EXTL3: variants seen among roughly 807,000 people sequenced by gnomAD.
EXTL3 encodes the protein exostosin-like 3.
Under a neutral mutation model 69.3 loss-of-function variants are expected in EXTL3, and 27 were observed. The ratio of observed to expected loss-of-function variants is 0.39; its 90% CI spans 0.29 to 0.54. The LOEUF (loss-of-function observed/expected upper bound fraction) is 0.54, where lower values mean the gene tolerates loss of function less well. Ranked by LOEUF, EXTL3 falls within the 20% of genes least tolerant of loss-of-function variation. The pLI, the probability that EXTL3 is intolerant of heterozygous loss-of-function variation, is 0.69. For synonymous variants in EXTL3, 511 were observed against 499.4 expected (o/e 1.02, Z -0.31); for missense variants, 1,003 against 1,231.8 (o/e 0.81, Z 2.78).
chr8:28,737,758 T>G, intron 5 of EXTL3, 95 bp downstream of exon 5: 1 of 1,319,894 alleles, frequency 7.6e-7, no homozygotes, highest in Non-Finnish European at 1.1e-6. Context: ...CTCCTAACGC[T>G]TCTTACATGT....
At position 28,737,627 on chromosome 8, in the gene EXTL3, G is replaced by C. The variant is rs1268003377; in HGVS notation, c.2385G>C (p.Leu795=). ...ACAACTCCAACTACTCCTGTGAGCTGTCCATGGTGCTGACAGGTGCTGCCT... is the reference window on the plus strand; with the variant it reads ...ACAACTCCAACTACTCCTGTGAGCTCTCCATGGTGCTGACAGGTGCTGCCT... ...WLYNSNYSCE[L]SMVLTGAAFF... Residue 795 remains leucine, a synonymous_variant, in exon 5 of 7, where the codon CTG becomes CTC. Transcript: ENST00000220562. 1 of 1,614,124 alleles carries C rather than the reference G, an allele frequency of 6.2e-7. No homozygotes were observed. Among genetic ancestry groups the C allele is most frequent in the Admixed American group, 1.7e-5 (1 of 60,018 alleles).
At chr8:28,730,809 G>T (rs1177720704) in intron 3 of EXTL3, among the ~76,000 whole-genome samples, 1 of 152,144 alleles carries the variant, frequency 6.6e-6, no homozygotes, top group Non-Finnish European at 1.5e-5. Flanking sequence ...GGAGTCAGAA[G>T]TGACAGACTC....
chr8:28,710,786 C>G (rs1235364796), intron 1 of EXTL3, among the ~76,000 whole-genome samples: 1 of 151,794 alleles, frequency 6.6e-6, no homozygotes, highest in Non-Finnish European at 1.5e-5. Flanking sequence ...ATCCTCTCCC[C>G]TCAGCCTTCT....
Position 28,641,896 on chromosome 8 carries a change from A to G in EXTL3, c.-53+19086A>G, listed in dbSNP as rs1021691715. ...TGTCACCCAGGCTGGAGTGCAGTGG[A>G]GCGATCTTGGCTCACTGCAAGCTCT... On this transcript the variant is annotated intron_variant, in intron 1 of 6. Transcript: ENST00000523149. Among the ~76,000 whole-genome samples, 21 of 152,070 alleles carry G rather than the reference A, an allele frequency of 1.4e-4. 1 individual carries two copies. Among genetic ancestry groups the G allele is most frequent in the Admixed American group, 1.1e-3 (17 of 15,284 alleles).
At chr8:28,697,272 T>G (rs1470357713), upstream of EXTL3, 1 of 152,200 alleles carries the variant, frequency 6.6e-6, no homozygotes, top group African/African-American at 2.4e-5. Flanking sequence ...TATTTACAAG[T>G]GAGGCCCCCA....
chr8:28,676,045 A>G (rs980239803), intron 1 of EXTL3, among the ~76,000 whole-genome samples: 2 of 147,246 alleles, frequency 1.4e-5, no homozygotes, highest in South Asian at 2.1e-4. Flanking sequence ...AAAAGAAGAA[A>G]AAAGGAAGTG....
chr8:28,612,937 T>C (rs899716574), intron 2 of EXTL3, among the ~76,000 whole-genome samples: 1 of 152,206 alleles, frequency 6.6e-6, no homozygotes, highest in Non-Finnish European at 1.5e-5. Flanking sequence ...CAGGCTGGTC[T>C]CAAACTCCTG....
rs1801135757 is a variant in EXTL3, at chr8:28,716,053, A to G, written c.-7A>G. 3 of 1,596,800 alleles carry G rather than the reference A, an allele frequency of 1.9e-6. No individual in the cohort carries two copies. The highest frequency in any genetic ancestry group is 1.7e-6 in the Non-Finnish European group (2 of 1,173,486). ...ACGTGATCTGGGGGGCAGGCTGCAGAGGACTCATGACAGGCTATACCATGC... is the reference window on the plus strand; with the variant it reads ...ACGTGATCTGGGGGGCAGGCTGCAGGGGACTCATGACAGGCTATACCATGC... On this transcript the variant is annotated 5_prime_UTR_variant, in exon 3 of 7. Coordinates refer to ENST00000220562, the MANE Select transcript of EXTL3 (RefSeq NM_001440.4). The surrounding 1 kb of genome is among the most constrained non-coding windows in gnomAD (Gnocchi z 7.1).
intron 1 of EXTL3, among the ~76,000 whole-genome samples, chr8:28,638,317 A>G (rs1806687498): frequency 6.6e-6 from 1 of 152,218 alleles, no homozygotes; most frequent in African/African-American, 2.4e-5. Flanking sequence ...CATAAACTCA[A>G]CCAACTAAAA....
At chr8:28,718,637 A>T (rs1347800296) in intron 3 of EXTL3, among the ~76,000 whole-genome samples, 1 of 152,200 alleles carries the variant, frequency 6.6e-6, no homozygotes, top group Non-Finnish European at 1.5e-5. Context: ...TAGGTTAATG[A>T]ATTTGCCCAA....
In EXTL3 at chr8:28,750,100, G is replaced by A. The variant is rs1055182541; in HGVS notation, c.2551-557G>A. On this transcript the variant is annotated intron_variant, in intron 6 of 6. Transcript: ENST00000220562. This position sits in a 1 kb window ranked among gnomAD's most constrained non-coding sequence, Gnocchi z 5.2. ...ATTCGGCCTGCCACATTGTAATGAAGCTGTCCCTCTTCATACTTTTTTAGT... is the reference window on the plus strand; with the variant it reads ...ATTCGGCCTGCCACATTGTAATGAAACTGTCCCTCTTCATACTTTTTTAGT... Among the ~76,000 whole-genome samples the A allele has an allele frequency of 6.6e-6, 1 of 152,174 alleles. No individual in the cohort carries two copies. Among genetic ancestry groups the A allele is most frequent in the Non-Finnish European group, 1.5e-5 (1 of 68,026 alleles).
chr8:28,716,693 C>T lies in EXTL3; in HGVS notation c.634C>T (p.Pro212Ser). The T allele has an allele frequency of 6.2e-7, 1 of 1,614,200 alleles. No individual in the cohort carries two copies. Among genetic ancestry groups the T allele is most frequent in the African/African-American group, 1.3e-5 (1 of 75,044 alleles). ...DQFVFGSYLD[P>S]LVKQAFQATA... ...GTTTGTCTTTGGCAGCTACCTGGAT[C>T]CCTTGGTCAAGCAGGCTTTTCAGGC... is the stretch of plus-strand genomic sequence containing the variant. Residue 212 changes from proline to serine, a missense_variant, in exon 3 of 7, where the codon CCC becomes TCC. Pro to Ser is a moderately conservative substitution (Grantham distance 74). This residue lies in a region of EXTL3 where 742 missense variants were observed against 815.4 expected (regional missense o/e 0.91). Transcript: ENST00000220562. The surrounding 1 kb of genome is among the most constrained non-coding windows in gnomAD (Gnocchi z 7.1).
At position 28,717,503 on chromosome 8, in the gene EXTL3, G is replaced by T. The variant is rs767996682; in HGVS notation, c.1444G>T (p.Ala482Ser). 1 of 1,614,274 alleles carries T rather than the reference G, an allele frequency of 6.2e-7. No individual in the cohort carries two copies. The highest frequency in any genetic ancestry group is 2.2e-5 in the East Asian group (1 of 44,892). Residue 482 changes from alanine (A) to serine (S), a missense_variant, in exon 3 of 7, where the codon GCC (alanine) becomes TCC (serine). This residue lies in a region of EXTL3 where 742 missense variants were observed against 815.4 expected (regional missense o/e 0.91). Transcript: ENST00000220562. The surrounding 1 kb of genome is among the most constrained non-coding windows in gnomAD (Gnocchi z 8.3). ...YQDMLQWNEA[A>S]LVVPKPRVTE... ...GGACATGCTGCAGTGGAACGAGGCGGCCCTGGTGGTGCCAAAGCCTCGTGT... is the reference window on the plus strand; with the variant it reads ...GGACATGCTGCAGTGGAACGAGGCGTCCCTGGTGGTGCCAAAGCCTCGTGT...
rs1019376014 is a variant in EXTL3, at chr8:28,623,121, T to C, written c.-53+311T>C. ...GCTGGGTTTCTACAGAGGCGGGAAT[T>C]TGTGAGAACTGGGAGAGTGTGGCTG... On this transcript the variant is annotated intron_variant, in intron 1 of 6. Coordinates refer to the EXTL3 transcript ENST00000523149. This position sits in a 1 kb window ranked among gnomAD's most constrained non-coding sequence, Gnocchi z 4.2. Among the ~76,000 whole-genome samples, 7 of 151,980 alleles carry C rather than the reference T, an allele frequency of 4.6e-5. No homozygotes were observed. Among genetic ancestry groups the C allele is most frequent in the Non-Finnish European group, 5.9e-5 (4 of 67,970 alleles).
At chr8:28,731,857 G>T (rs556781353) in intron 4 of EXTL3, among the ~76,000 whole-genome samples, 3 of 152,220 alleles carry the variant, frequency 2.0e-5, no homozygotes, top group African/African-American at 7.2e-5. Flanking sequence ...GGAAAAAGAA[G>T]GGGAGGAGGA....
intron 1 of EXTL3, among the ~76,000 whole-genome samples, chr8:28,662,617 T>C (rs1263290170): frequency 1.3e-5 from 2 of 152,140 alleles, no homozygotes. Flanking sequence ...GGAAACCTGT[T>C]TGTATAAAAA....
chr8:28,729,123 C>T (rs1246994616), intron 3 of EXTL3, among the ~76,000 whole-genome samples: 1 of 151,436 alleles, frequency 6.6e-6, no homozygotes, highest in Non-Finnish European at 1.5e-5. Context: ...TGGTGAAACC[C>T]TGTCTCTACA....
chr8:28,756,071 A>T (rs976344891), downstream of EXTL3, among the ~76,000 whole-genome samples: 1 of 152,136 alleles, frequency 6.6e-6, no homozygotes, highest in African/African-American at 2.4e-5. Context: ...TTATAGGTCA[A>T]TGTTTGTGTT....
intron 1 of EXTL3, among the ~76,000 whole-genome samples, chr8:28,649,843 C>T (rs1416337273): frequency 6.9e-6 from 1 of 144,262 alleles, no homozygotes; most frequent in Non-Finnish European, 1.5e-5. Context: ...TTCTTAAATT[C>T]TATAAAGTTT....
Sources: allele counts gnomAD v4.1 joint callset (sites outside exome capture counted in the v4.1 genomes callset), GRCh38; gene constraint gnomAD v4.1.1; regional missense constraint gnomAD v4.1.1; non-coding constraint Gnocchi (gnomAD v3.1); transcripts MANE v1.5; gene names NCBI Gene and HGNC (gene_info 2026-07-23, HGNC 2026-07-21).